The following PPOX variants were observed in gnomAD, a reference collection of about 807,000 sequenced individuals.
PPOX encodes the protein variegate porphyria.
Under a neutral mutation model 54.1 loss-of-function variants are expected in PPOX, and 23 were observed. That is an observed-to-expected ratio of 0.43 (90% CI 0.31 to 0.60). PPOX has a LOEUF of 0.60. Ranked by LOEUF, PPOX falls within the 20% of genes least tolerant of loss-of-function variation. The probability of loss-of-function intolerance (pLI) is 0.13; values close to 1 mark genes in which losing one functional copy is unlikely to be tolerated. For missense variants in PPOX, 512 were observed against 601.1 expected, an observed-to-expected ratio of 0.85 and a Z score of 1.55; for synonymous variants, 224 against 236.1, an observed-to-expected ratio of 0.95 and a Z score of 0.47.
downstream of PPOX, chr1:161,174,177 G>A (rs1662567664): frequency 2.1e-6 from 2 of 957,216 alleles, no homozygotes; most frequent in East Asian, 5.1e-5. Flanking sequence ...GGAGGCCAAG[G>A]CAGGCAGATC....
At chr1:161,176,561 G>T (rs1663600600) in intron 4 of PPOX, 1 of 482,124 alleles carries the variant, frequency 2.1e-6, no homozygotes, top group Non-Finnish European at 3.7e-6. Context: ...CAGCACTCCA[G>T]CAGCGAATCT....
downstream of PPOX, chr1:161,172,182 T>A (rs766921603): frequency 6.2e-6 from 10 of 1,612,928 alleles, no homozygotes; most frequent in Non-Finnish European, 8.5e-6. Flanking sequence ...TACAGAACCC[T>A]GAGGATCCAG....
chr1:161,168,688 T>C, intron 6 of PPOX, 112 bp downstream of exon 6: 5 of 1,399,796 alleles, frequency 3.6e-6, no homozygotes, highest in Non-Finnish European at 2.9e-6. Context: ...GACGGAGTCT[T>C]GCTCTGCTGC....
chr1:161,171,696 C>G, downstream of PPOX: 3 of 1,418,600 alleles, frequency 2.1e-6, no homozygotes, highest in Admixed American at 5.9e-5. Context: ...CCCCTACCCC[C>G]TAGCACGGCA....
downstream of PPOX, chr1:161,175,246 C>T (rs1442017102): frequency 1.2e-6 from 2 of 1,602,320 alleles, no homozygotes; most frequent in Non-Finnish European, 1.7e-6. Context: ...GAAGGAATGG[C>T]AAGTAGAGGG....
At chr1:161,176,527 C>G in intron 4 of PPOX, 1 of 415,290 alleles carries the variant, frequency 2.4e-6, no homozygotes, top group South Asian at 3.0e-5. Flanking sequence ...GGAAATGTCA[C>G]AGAGGGCAGA....
At chr1:161,176,754 C>A in intron 4 of PPOX, 2 of 969,520 alleles carry the variant, frequency 2.1e-6, no homozygotes, top group Non-Finnish European at 1.6e-6. Context: ...TGATAAGTGT[C>A]AGGTTCATAC....
rs1660929753 is a variant in PPOX, at chr1:161,170,505, G to A, written c.1084G>A (p.Gly362Ser). ...AFPEQDGSPPGLRVTVMLGGS... is the reference protein window; with the variant it reads ...AFPEQDGSPPSLRVTVMLGGS... ...CCCTGAGCAGGACGGGAGCCCCCCT[G>A]GCCTCAGAGTGACTGTGAGGAGGAG... is the stretch of plus-strand genomic sequence containing the variant. Residue 362 changes from glycine (G) to serine (S), a missense_variant, in exon 10 of 13, where the codon GGC becomes AGC. Coordinates refer to ENST00000367999, the MANE Select transcript of PPOX (RefSeq NM_001122764.3). 6.2e-7 allele frequency: 1 copy of A among 1,614,068 alleles called. No homozygotes were observed.
chr1:161,177,318 C>A, downstream of PPOX: 1 of 540,128 alleles, frequency 1.9e-6, no homozygotes, highest in Non-Finnish European at 3.3e-6. Context: ...AGGACCCCGT[C>A]CCTGCTCAGG....
In PPOX at chr1:161,170,604, T is replaced by C. The variant is rs1660998615; in HGVS notation, c.1099-16T>C. ...TAGGCAAGGCCAGACTGATCAGTGC[T>C]ATATTCCCTCCTTAGGTGATGCTGG... On this transcript the variant is annotated splice_polypyrimidine_tract_variant and intron_variant, in intron 10 of 12. Transcript: ENST00000367999. 23 of 1,614,216 alleles carry C rather than the reference T, an allele frequency of 1.4e-5. No homozygotes were observed. In the East Asian group the frequency reaches 5.1e-4, roughly 36 times the overall value.
chr1:161,176,541 AG>A (rs1332241569), intron 4 of PPOX: 140 of 440,916 alleles, frequency 3.2e-4, no homozygotes, highest in Non-Finnish European at 5.0e-4. Flanking sequence ...GGGCAGAGAA[AG>A]GCTCCATCCA....
At chr1:161,177,470 G>GCATCGCTGCCGC (rs1664049017), downstream of PPOX, 4 of 173,034 alleles carry the variant, frequency 2.3e-5, no homozygotes, top group Middle Eastern at 5.6e-3. Flanking sequence ...AGCCGGGCAG[G>GCATCGCTGCCGC]CATCGCTGCC....
intron 4 of PPOX, 69 bp downstream of exon 4, chr1:161,167,555 T>TTA: frequency 1.2e-4 from 154 of 1,327,102 alleles, no homozygotes; most frequent in Non-Finnish European, 1.4e-4. Context: ...CTTTCTTCTT[T>TTA]TCTTTTTTTT....
At position 161,170,958 on chromosome 1, in the gene PPOX, G is replaced by A. The variant is rs1256039989; in HGVS notation, c.1291+9G>A. On this transcript the variant is annotated intron_variant, in intron 12 of 12. Transcript: ENST00000367999. ...TCACTGGCAAAAACTAGGTAAGTTG[G>A]GAAAACAGCTGGGCTGAGGAGGGCC... 3.1e-6 allele frequency: 5 copies of A among 1,614,090 alleles called. No individual in the cohort carries two copies. Among genetic ancestry groups the A allele is most frequent in the Non-Finnish European group, 4.2e-6 (5 of 1,180,022 alleles).
downstream of PPOX, chr1:161,175,139 G>A (rs775570899): frequency 9.9e-6 from 16 of 1,613,866 alleles, no homozygotes; most frequent in East Asian, 2.2e-5. Context: ...CCTGCAGGGC[G>A]GTACCGGCCC....
chr1:161,171,996 A>G (rs150162843), downstream of PPOX: 19 of 1,613,978 alleles, frequency 1.2e-5, 1 homozygote, highest in African/African-American at 2.7e-5. Context: ...TGTTGGTATA[A>G]AGAGGCCCCA....
upstream of PPOX, chr1:161,166,213 G>A: frequency 1.0e-6 from 1 of 971,240 alleles, no homozygotes; most frequent in Non-Finnish European, 1.2e-6. Flanking sequence ...AGCATTAAGC[G>A]CTCGCCGCCT....
chr1:161,173,514 G>C, downstream of PPOX: 1 of 1,577,358 alleles, frequency 6.3e-7, no homozygotes, highest in Non-Finnish European at 8.7e-7. Context: ...GGGAGCTAAA[G>C]GTTAGTGTTG....
At chr1:161,171,008 AC>A (rs1269205700) in intron 12 of PPOX, 25 bp from the exon 13 acceptor site, 11 of 1,614,136 alleles carry the variant, frequency 6.8e-6, no homozygotes, top group Non-Finnish European at 9.3e-6. Context: ...CCCAGCTAAA[AC>A]ATTCCTTTCA....
Sources: gnomAD v4.1 joint callset for allele counts on GRCh38, gnomAD v4.1.1 for gene constraint, MANE v1.5 for transcripts, NCBI Gene and HGNC (gene_info 2026-07-23, HGNC 2026-07-21) for gene names.